The following ERCC2 variants were observed in gnomAD, a reference collection of about 807,000 sequenced individuals.
ERCC2 encodes general transcription and DNA repair factor IIH helicase subunit XPD.
ERCC2 carries 90 observed loss-of-function variants against 99.4 expected under a neutral mutation model. The ratio of observed to expected loss-of-function variants is 0.91; its 90% CI spans 0.76 to 1.08. The LOEUF (loss-of-function observed/expected upper bound fraction) is 1.08. ERCC2 is among the 50% of genes least tolerant of loss of function. The probability of loss-of-function intolerance (pLI) is 0.00; values close to 1 mark genes in which losing one functional copy is unlikely to be tolerated. For synonymous variants in ERCC2, 497 were observed against 432.4 expected, an observed-to-expected ratio of 1.15 and a Z score of -1.85; for missense variants, 993 against 1,038.1, an observed-to-expected ratio of 0.96 and a Z score of 0.60.
chr19:45,368,693 G>A lies in ERCC2; in HGVS notation c.297C>T (p.Gly99=), dbSNP rs200953364. The change falls in exon 5 of 23, where the codon GGC becomes GGT. Residue 99 remains glycine (G), a synonymous_variant. Coordinates refer to ENST00000391945, the MANE Select transcript of ERCC2 (RefSeq NM_000400.4). ...KLLNFYEKQE[G]EKLPFLGLAL... ...CCAGTCCCAGAAACGGCAGCTTCTC[G>A]CCCTCCTGCTTCTCATAGAAGTTGA... is the stretch of plus-strand genomic sequence containing the variant. The A allele has an allele frequency of 1.5e-4, 246 of 1,613,900 alleles. No individual in the cohort carries two copies. The highest frequency in any genetic ancestry group is 1.7e-4 in the Non-Finnish European group (195 of 1,179,940).
intron 11 of ERCC2, 59 bp downstream of exon 11, chr19:45,363,684 C>T (rs939455788): frequency 2.5e-5 from 37 of 1,494,388 alleles, no homozygotes; most frequent in Non-Finnish European, 3.1e-5. Context: ...GTGGAGGACA[C>T]GGCTCTGCAT....
At chr19:45,365,271 T>C (rs773715126) in intron 5 of ERCC2, 113 bp from the exon 6 acceptor site, 19 of 785,764 alleles carry the variant, frequency 2.4e-5, no homozygotes, top group Non-Finnish European at 3.8e-5. Flanking sequence ...TGAACCTCAG[T>C]CTGTTGCATT....
At position 45,354,724 on chromosome 19, in the gene ERCC2, G is replaced by A; in HGVS notation, c.1665+6C>T. The stretch of plus-strand genomic sequence containing the variant: ...GCAGGTGCAGGGAGGGGGTGGCCAG[G>A]CGTACCTGCTCATACCAGGAGGCCA... On this transcript the variant is annotated splice_donor_region_variant and intron_variant, in intron 17 of 22. Coordinates refer to ENST00000391945, the MANE Select transcript of ERCC2 (RefSeq NM_000400.4). 2.5e-6 allele frequency: 4 copies of A among 1,613,746 alleles called. No individual in the cohort carries two copies. The highest frequency in any genetic ancestry group is 1.7e-4 in the Middle Eastern group (1 of 6,050).
chr19:45,370,199 C>A lies in ERCC2; in HGVS notation c.39G>T (p.Pro13=). 6.2e-7 allele frequency: 1 copy of A among 1,613,450 alleles called. No homozygotes were observed. Among genetic ancestry groups the A allele is most frequent in the Non-Finnish European group, 8.5e-7 (1 of 1,179,490 alleles). ...ACTGCTCGGGGTAGATGTAGTCGTA[C>A]GGGAAGTAGACCAGGAGCCCGTCCA... is the stretch of plus-strand genomic sequence containing the variant. ...LNVDGLLVYF[P]YDYIYPEQFS... The change falls in exon 2 of 23, where the codon CCG becomes CCT. Residue 13 remains proline (P), a synonymous_variant. Transcript: ENST00000391945.
At position 45,353,247 on chromosome 19, in the gene ERCC2, G is replaced by C; in HGVS notation, c.1753C>G (p.Gln585Glu). 6.2e-7 allele frequency: 1 copy of C among 1,613,620 alleles called. No homozygotes were observed. The highest frequency in any genetic ancestry group is 8.5e-7 in the Non-Finnish European group (1 of 1,179,672). ...CGCTGGCCTCGCACACCCACCTCCT[G>C]GTACTTCTCCAGGGCGACACTGGTT... is the stretch of plus-strand genomic sequence containing the variant. ...AETSVALEKYQEACENGRGAI... is the reference protein window; with the variant it reads ...AETSVALEKYEEACENGRGAI... Residue 585 changes from glutamine (Q) to glutamate (E), a missense_variant, in exon 18 of 23, where the codon CAG becomes GAG. Coordinates refer to ENST00000391945, the MANE Select transcript of ERCC2 (RefSeq NM_000400.4).
At chr19:45,355,780 G>T (rs377467161) in intron 15 of ERCC2, 52 bp from the exon 16 acceptor site, 6 of 1,436,868 alleles carry the variant, frequency 4.2e-6, no homozygotes, top group Non-Finnish European at 5.9e-6. Context: ...CTGCTCCAGC[G>T]TGAGTGCTGA....
chr19:45,362,340 G>A (rs906966854), intron 11 of ERCC2, among the ~76,000 whole-genome samples: 1 of 152,188 alleles, frequency 6.6e-6, no homozygotes, highest in Non-Finnish European at 1.5e-5. Context: ...CTCTCCCACT[G>A]CCTCTCACGC....
intron 11 of ERCC2, chr19:45,361,863 CAG>C (rs1238687408): frequency 1.8e-6 from 1 of 567,498 alleles, no homozygotes; most frequent in Admixed American, 2.3e-5. Flanking sequence ...GAGCAATAAT[CAG>C]ACACTCCAGA....
chr19:45,369,978 T>A (rs938242772), intron 2 of ERCC2, among the ~76,000 whole-genome samples, 155 bp downstream of exon 2: 5 of 152,178 alleles, frequency 3.3e-5, no homozygotes, highest in Non-Finnish European at 7.3e-5. Flanking sequence ...GCCCAGCCTA[T>A]TCACCATTAT....
At chr19:45,360,224 G>A in intron 12 of ERCC2, among the ~76,000 whole-genome samples, 1 of 151,344 alleles carries the variant, frequency 6.6e-6, no homozygotes, top group East Asian at 1.9e-4. Flanking sequence ...GGGACTACAG[G>A]CGCCCGCCAC....
At position 45,350,480 on chromosome 19, in the gene ERCC2, T is replaced by TCCCCATCTCAGTGTC; in HGVS notation, c.*1134_*1148dup. 6.2e-7 allele frequency: 1 copy of TCCCCATCTCAGTGTC among 1,613,144 alleles called. No individual in the cohort carries two copies. Among genetic ancestry groups the TCCCCATCTCAGTGTC allele is most frequent in the Non-Finnish European group, 8.5e-7 (1 of 1,179,494 alleles). ...CTTCCCTCCTGGTGGCTTCTCTATG[T>TCCCCATCTCAGTGTC]CCCCATCTCAGTGTCCCCCATCTTT... On this transcript the variant is annotated 3_prime_UTR_variant, in exon 23 of 23. Transcript: ENST00000391945.
chr19:45,350,337 G>A lies in ERCC2; in HGVS notation c.*1292C>T, dbSNP rs369273770. The A allele has an allele frequency of 1.3e-4, 214 of 1,611,984 alleles. No homozygotes were observed. The highest frequency in any genetic ancestry group is 2.1e-4 in the South Asian group (19 of 91,020). ...AAAGTTCCCAGACACTCCCTTCTCC[G>A]CAGGCCTCAGCCTACCTGAAACAGA... On this transcript the variant is annotated 3_prime_UTR_variant, in exon 23 of 23. Coordinates refer to ENST00000391945, the MANE Select transcript of ERCC2 (RefSeq NM_000400.4).
chr19:45,352,887 A>G (rs1350996715), intron 19 of ERCC2, 71 bp from the exon 20 acceptor site: 3 of 1,426,790 alleles, frequency 2.1e-6, no homozygotes, highest in Non-Finnish European at 2.9e-6. Flanking sequence ...GCCTCACGCG[A>G]CCCAGGATGC....
intron 17 of ERCC2, among the ~76,000 whole-genome samples, chr19:45,354,186 G>A (rs1164301727): frequency 2.6e-5 from 4 of 152,200 alleles, no homozygotes; most frequent in Non-Finnish European, 4.4e-5. Flanking sequence ...AAAGTGCAGA[G>A]TGGCCTCCCC....
Position 45,351,918 on chromosome 19 carries a change from C to A in ERCC2, c.2191-197G>T, listed in dbSNP as rs3916885. Among the ~76,000 whole-genome samples, 797 of 152,294 alleles carry A rather than the reference C, an allele frequency of 5.2e-3. 3 individuals carry two copies. Among genetic ancestry groups the A allele is most frequent in the Non-Finnish European group, 8.4e-3 (573 of 68,024 alleles). ...CTGAGGGAGGAGCCAGCTAGGGAGT[C>A]GGAGAAGGACCGGCTTTCTCCAGGC... On this transcript the variant is annotated intron_variant, in intron 22 of 22. Coordinates refer to ENST00000391945, the MANE Select transcript of ERCC2 (RefSeq NM_000400.4).
At chr19:45,359,103 G>A (rs771432401) in intron 12 of ERCC2, among the ~76,000 whole-genome samples, 9 of 152,148 alleles carry the variant, frequency 5.9e-5, no homozygotes, top group Non-Finnish European at 1.2e-4. Context: ...GGCAGTGCTG[G>A]GACAGAGGTG....
Position 45,350,274 on chromosome 19 carries a change from A to AAT in ERCC2, c.*1354_*1355insAT. The stretch of plus-strand genomic sequence containing the variant: ...CCTGTCTCTACAAAAAAAAAAAAAA[A>AAT]GGCGGGACTGGATGCAGTGTTGGGA... On this transcript the variant is annotated 3_prime_UTR_variant, in exon 23 of 23. Transcript: ENST00000391945. The AAT allele has an allele frequency of 8.7e-7, 1 of 1,145,804 alleles. No homozygotes were observed. The highest frequency in any genetic ancestry group is 1.3e-6 in the Non-Finnish European group (1 of 799,624). The allele number at this position is 1,145,804 out of a possible 1,614,324, so 71.0% of individuals were successfully genotyped here.
At chr19:45,359,624 C>T (rs919782076) in intron 12 of ERCC2, among the ~76,000 whole-genome samples, 4 of 152,172 alleles carry the variant, frequency 2.6e-5, no homozygotes, top group African/African-American at 4.8e-5. Flanking sequence ...CCAGGCACCA[C>T]GCTCCCCATA....
intron 8 of ERCC2, 27 bp downstream of exon 8, chr19:45,364,396 TC>T: frequency 6.2e-7 from 1 of 1,613,842 alleles, no homozygotes; most frequent in Non-Finnish European, 8.5e-7. Context: ...GGGGCTGGCA[TC>T]CCTTTGGCCC....
Sources: gnomAD v4.1 joint callset for allele counts (sites outside exome capture counted in the v4.1 genomes callset) on GRCh38, gnomAD v4.1.1 for gene constraint, MANE v1.5 for transcripts, NCBI Gene and HGNC (gene_info 2026-07-23, HGNC 2026-07-21) for gene names.